ARHGAP15: variants seen among roughly 807,000 people sequenced by gnomAD.
ARHGAP15 encodes the protein rho GTPase-activating protein 15.
ARHGAP15 carries 51 observed loss-of-function variants against 63.7 expected under a neutral mutation model. That is an observed-to-expected ratio of 0.80 (90% CI 0.64 to 1.01). The LOEUF (loss-of-function observed/expected upper bound fraction) is 1.01. Among genes scored for constraint, ARHGAP15 ranks in the 50% least tolerant of loss-of-function variants. The probability of loss-of-function intolerance (pLI) is 0.00; values close to 1 mark genes in which losing one functional copy is unlikely to be tolerated. For synonymous variants in ARHGAP15, 191 were observed against 193.8 expected (o/e 0.99, Z 0.12); for missense variants, 560 against 564.6 (o/e 0.99, Z 0.08).
intron 6 of ARHGAP15, among the ~76,000 whole-genome samples, chr2:143,265,538 G>A (rs182374419): frequency 1.0e-3 from 157 of 152,186 alleles, no homozygotes; most frequent in African/African-American, 3.3e-3. Flanking sequence ...GACCTTGCAC[G>A]TTAAAAATCA....
intron 6 of ARHGAP15, among the ~76,000 whole-genome samples, chr2:143,407,759 T>A (rs960598841): frequency 2.0e-5 from 3 of 151,548 alleles, no homozygotes; most frequent in African/African-American, 7.3e-5. Context: ...TAGTGTATTT[T>A]AATTTTTGGT....
chr2:143,180,367 G>C (rs901724981), intron 2 of ARHGAP15, among the ~76,000 whole-genome samples: 3 of 152,172 alleles, frequency 2.0e-5, no homozygotes, highest in Non-Finnish European at 4.4e-5. Flanking sequence ...TCATGAGATT[G>C]CAGCAATTTA....
chr2:143,318,524 T>C (rs1328316639), intron 6 of ARHGAP15, among the ~76,000 whole-genome samples: 3 of 140,980 alleles, frequency 2.1e-5, no homozygotes, highest in Non-Finnish European at 3.1e-5. Context: ...TTTTTTTTTT[T>C]TTTTTTTTTT....
intron 13 of ARHGAP15, among the ~76,000 whole-genome samples, chr2:143,746,211 C>T (rs1428581319): frequency 6.6e-6 from 1 of 152,064 alleles, no homozygotes; most frequent in Non-Finnish European, 1.5e-5. Context: ...ATACCTTAAC[C>T]TAAAGTAATT....
chr2:143,292,860 A>C (rs1442698667), intron 6 of ARHGAP15, among the ~76,000 whole-genome samples: 1 of 151,988 alleles, frequency 6.6e-6, no homozygotes, highest in Non-Finnish European at 1.5e-5. Flanking sequence ...TTTAGAAGCT[A>C]TTGTTGATTG....
At chr2:143,570,875 T>C (rs991433028) in intron 11 of ARHGAP15, among the ~76,000 whole-genome samples, 1 of 152,124 alleles carries the variant, frequency 6.6e-6, no homozygotes, top group Non-Finnish European at 1.5e-5. Context: ...ACCAAGAGAA[T>C]GTCAGTACTT....
chr2:143,209,169 C>T (rs989453823), intron 3 of ARHGAP15, among the ~76,000 whole-genome samples: 1 of 152,086 alleles, frequency 6.6e-6, no homozygotes, highest in African/African-American at 2.4e-5. Context: ...CTGGGCTTTC[C>T]TTAAACTGCT....
intron 11 of ARHGAP15, among the ~76,000 whole-genome samples, chr2:143,601,894 C>CT (rs1697784872): frequency 1.3e-5 from 2 of 152,076 alleles, no homozygotes; most frequent in South Asian, 2.1e-4. Context: ...CTTAGCTTAC[C>CT]TTTTTTACAA....
chr2:143,729,126 C>T (rs1394145336), intron 13 of ARHGAP15, among the ~76,000 whole-genome samples: 2 of 152,146 alleles, frequency 1.3e-5, no homozygotes, highest in African/African-American at 4.8e-5. Flanking sequence ...CCCTGCGGCT[C>T]ACATACCTGA....
chr2:143,673,595 G>A lies in ARHGAP15; in HGVS notation c.1139-29824G>A, dbSNP rs866549381. Among the ~76,000 whole-genome samples the A allele has an allele frequency of 4.0e-5, 6 of 150,966 alleles. No individual in the cohort carries two copies. In the Middle Eastern group the frequency reaches 0.01, roughly 259 times the overall value. On this transcript the variant is annotated intron_variant, in intron 12 of 13. Coordinates refer to ENST00000295095, the MANE Select transcript of ARHGAP15 (RefSeq NM_018460.4). ...TTACAGGTGTGAGCCACCACACCCGGCCTACCACAATCTTAATGTAAAAAT... is the reference window on the plus strand; with the variant it reads ...TTACAGGTGTGAGCCACCACACCCGACCTACCACAATCTTAATGTAAAAAT...
At chr2:143,318,363 C>A (rs1683825217) in intron 6 of ARHGAP15, among the ~76,000 whole-genome samples, 1 of 152,058 alleles carries the variant, frequency 6.6e-6, no homozygotes, top group Non-Finnish European at 1.5e-5. Context: ...GTGTAGATAA[C>A]AATCCTTCCA....
At chr2:143,646,884 A>G (rs1680905490) in intron 12 of ARHGAP15, among the ~76,000 whole-genome samples, 1 of 152,032 alleles carries the variant, frequency 6.6e-6, no homozygotes, top group Admixed American at 6.6e-5. Flanking sequence ...TTTGACAAAA[A>G]GAAAAGAAAA....
intron 3 of ARHGAP15, among the ~76,000 whole-genome samples, chr2:143,209,913 C>T (rs1692501154): frequency 6.6e-6 from 1 of 152,102 alleles, no homozygotes; most frequent in South Asian, 2.1e-4. Flanking sequence ...ATACCTCTCC[C>T]ATCCAGCTCC....
chr2:143,137,598 A>T (rs1208481245), intron 1 of ARHGAP15, among the ~76,000 whole-genome samples: 1 of 152,126 alleles, frequency 6.6e-6, no homozygotes, highest in Non-Finnish European at 1.5e-5. Flanking sequence ...AGCTGAAAAC[A>T]TATTGCCATA....
intron 11 of ARHGAP15, among the ~76,000 whole-genome samples, chr2:143,596,730 A>G (rs148481732): frequency 5.7e-4 from 86 of 152,212 alleles, no homozygotes; most frequent in African/African-American, 1.9e-3. Context: ...AGTCTATGTT[A>G]ATCTTTACAA....
intron 6 of ARHGAP15, among the ~76,000 whole-genome samples, chr2:143,268,584 T>C (rs1169448399): frequency 1.3e-5 from 2 of 152,150 alleles, no homozygotes; most frequent in East Asian, 1.9e-4. Flanking sequence ...ATTGTACTAG[T>C]TTATTTTTAA....
intron 6 of ARHGAP15, among the ~76,000 whole-genome samples, chr2:143,429,069 A>G (rs895248624): frequency 6.6e-6 from 1 of 152,166 alleles, no homozygotes; most frequent in African/African-American, 2.4e-5. Flanking sequence ...TATGAGCACC[A>G]CAGGCAAAAG....
At chr2:143,246,754 T>C (rs559201183) in intron 5 of ARHGAP15, among the ~76,000 whole-genome samples, 1 of 152,062 alleles carries the variant, frequency 6.6e-6, no homozygotes, top group East Asian at 1.9e-4. Flanking sequence ...ATTCAGAGAC[T>C]GGGAGATTGC....
At chr2:143,595,863 A>T (rs1039538425) in intron 11 of ARHGAP15, among the ~76,000 whole-genome samples, 1 of 152,184 alleles carries the variant, frequency 6.6e-6, no homozygotes, top group African/African-American at 2.4e-5. Flanking sequence ...AAATATAAAC[A>T]ATCTTCCAAA....
Sources: gnomAD v4.1 joint callset for allele counts (sites outside exome capture counted in the v4.1 genomes callset) on GRCh38, gnomAD v4.1.1 for gene constraint, MANE v1.5 for transcripts, NCBI Gene and HGNC (gene_info 2026-07-23, HGNC 2026-07-21) for gene names.